Variants in CLASP2 observed in about 807,000 individuals in gnomAD.
The protein encoded by CLASP2 is CLIP-associating protein 2.
In CLASP2, 47 loss-of-function variants were observed where a neutral mutation model predicts 194.4. That is an observed-to-expected ratio of 0.24 (90% CI 0.19 to 0.31). The LOEUF is 0.31. Among genes scored for constraint, CLASP2 ranks in the 10% least tolerant of loss-of-function variants. CLASP2 has a pLI of 1.00. For synonymous variants in CLASP2, 619 were observed against 633.5 expected (o/e 0.98, Z 0.34); for missense variants, 1,445 against 1,823.6 (o/e 0.79, Z 3.78).
intron 37 of CLASP2, chr3:33,502,820 A>C (rs531275235): frequency 9.8e-5 from 15 of 152,350 alleles, no homozygotes; most frequent in African/African-American, 2.6e-4. Flanking sequence ...ATTATTCCTA[A>C]GTCATGCAAT....
intron 34 of CLASP2, among the ~76,000 whole-genome samples, chr3:33,517,819 C>T (rs1277261266): frequency 6.6e-6 from 1 of 152,132 alleles, no homozygotes; most frequent in African/African-American, 2.4e-5. Context: ...TGTACCTACA[C>T]ACCCAGCTAA....
chr3:33,620,082 G>A (rs2076864502), intron 11 of CLASP2, among the ~76,000 whole-genome samples: 1 of 152,192 alleles, frequency 6.6e-6, no homozygotes, highest in African/African-American at 2.4e-5. Context: ...CTTGATCCAT[G>A]AGTTATTTCC....
chr3:33,560,768 T>C (rs928771734), intron 28 of CLASP2, 40 bp downstream of exon 28: 2 of 1,569,654 alleles, frequency 1.3e-6, no homozygotes, highest in East Asian at 4.5e-5. Flanking sequence ...TATTCCTAGT[T>C]ATTATCAGGT....
intron 32 of CLASP2, among the ~76,000 whole-genome samples, chr3:33,539,153 T>C (rs1051412036): frequency 6.6e-5 from 10 of 152,184 alleles, no homozygotes; most frequent in Non-Finnish European, 1.5e-4. Flanking sequence ...TACTCTAGAA[T>C]GCACAGACCT....
intron 16 of CLASP2, among the ~76,000 whole-genome samples, chr3:33,605,629 G>A (rs2073638036): frequency 6.6e-6 from 1 of 152,000 alleles, no homozygotes; most frequent in African/African-American, 2.4e-5. Flanking sequence ...TTACAGAGAA[G>A]TTTTTTGGAA....
chr3:33,610,590 G>T (rs998049919), intron 13 of CLASP2, among the ~76,000 whole-genome samples: 2 of 139,586 alleles, frequency 1.4e-5, no homozygotes, highest in Non-Finnish European at 3.1e-5. Flanking sequence ...ATGTAAGACG[G>T]GTTGGTTAAA....
Position 33,656,465 on chromosome 3 carries a change from T to C in CLASP2, c.715+6980A>G, listed in dbSNP as rs74320284. Among the ~76,000 whole-genome samples, 581 of 152,264 alleles carry C rather than the reference T, an allele frequency of 3.8e-3. 29 individuals carry two copies. In the East Asian group the frequency reaches 0.098, roughly 26 times the overall value. On this transcript the variant is annotated intron_variant, in intron 7 of 38. Transcript: ENST00000682230. ...GGTGAGATATTTTTCAACCATCTGA[T>C]AGACAAATTTTAATAATAACCAGAA...
At chr3:33,700,750 C>A (rs565241467) in intron 1 of CLASP2, among the ~76,000 whole-genome samples, 1 of 151,472 alleles carries the variant, frequency 6.6e-6, no homozygotes, top group African/African-American at 2.4e-5. Flanking sequence ...CTCGGGAGGC[C>A]GAGGCAGGAG....
rs142386419 is a variant in CLASP2, at chr3:33,534,326, T to C, written c.3787+907A>G. 1.1e-3 allele frequency among the ~76,000 whole-genome samples: 170 copies of C among 152,030 alleles called. 1 individual carries two copies. The highest frequency in any genetic ancestry group is 4.0e-3 in the African/African-American group (167 of 41,466). On this transcript the variant is annotated intron_variant, in intron 34 of 38. Coordinates refer to ENST00000682230, the MANE Select transcript of CLASP2 (RefSeq NM_001365631.1). ...CCTACAATCCCAGCACTTTGAGAGG[T>C]TGAGGTGGGAGGATCACTTATGGCC...
intron 6 of CLASP2, 146 bp from the exon 7 acceptor site, chr3:33,663,661 C>T: frequency 1.7e-6 from 1 of 601,764 alleles, no homozygotes; most frequent in South Asian, 2.3e-5. Flanking sequence ...AATTAACGCA[C>T]TGAAAGAAGA....
intron 6 of CLASP2, among the ~76,000 whole-genome samples, chr3:33,670,933 A>G (rs975657192): frequency 2.6e-5 from 4 of 152,182 alleles, no homozygotes; most frequent in African/African-American, 9.7e-5. Context: ...TCTCCTTAAC[A>G]ATGTCTGACC....
chr3:33,563,820 C>T (rs2062187650), intron 27 of CLASP2: 1 of 448,056 alleles, frequency 2.2e-6, no homozygotes, highest in Non-Finnish European at 4.5e-6. Flanking sequence ...AAGATAATGT[C>T]TAAAATACCT....
chr3:33,619,797 A>G (rs1321919561), intron 11 of CLASP2, 59 bp from the exon 12 acceptor site: 2 of 1,321,674 alleles, frequency 1.5e-6, no homozygotes. Context: ...AGATAGAACC[A>G]TATAATTTTA....
At chr3:33,504,289 G>A (rs543549166) in intron 37 of CLASP2, 4 of 152,190 alleles carry the variant, frequency 2.6e-5, no homozygotes, top group Admixed American at 6.5e-5. Flanking sequence ...AAGATTTATC[G>A]CTATGTTTTC....
intron 23 of CLASP2, 54 bp from the exon 24 acceptor site, chr3:33,576,329 G>T: frequency 7.0e-7 from 1 of 1,423,380 alleles, no homozygotes; most frequent in Non-Finnish European, 9.8e-7. Flanking sequence ...ATATAACAGT[G>T]TCAGGTTGGG....
intron 7 of CLASP2, among the ~76,000 whole-genome samples, chr3:33,648,850 T>C (rs538681938): frequency 6.6e-6 from 1 of 152,310 alleles, no homozygotes; most frequent in Non-Finnish European, 1.5e-5. Flanking sequence ...CCCCATTACC[T>C]AGAACAGTCT....
Position 33,539,532 on chromosome 3 carries a change from A to C in CLASP2, c.3405-590T>G, listed in dbSNP as rs112599068. Among the ~76,000 whole-genome samples, 11 of 152,180 alleles carry C rather than the reference A, an allele frequency of 7.2e-5. 1 individual carries two copies. The highest frequency in any genetic ancestry group is 2.2e-4 in the African/African-American group (9 of 41,518). On this transcript the variant is annotated intron_variant, in intron 32 of 38. Transcript: ENST00000682230. Reference sequence around the variant, plus strand: ...GTATTTTTAGTAAAGATGGGGTTTCACCATGTTGTGCAGGCTGGTCTCGAA... The same window carrying C: ...GTATTTTTAGTAAAGATGGGGTTTCCCCATGTTGTGCAGGCTGGTCTCGAA...
chr3:33,568,558 A>AAAAAAAAAAAAAAAAAAAAAAAAAAAAC (rs2063184930), intron 26 of CLASP2, among the ~76,000 whole-genome samples: 1 of 148,428 alleles, frequency 6.7e-6, no homozygotes, highest in African/African-American at 2.5e-5. Context: ...TGTCTCAAAA[A>AAAAAAAAAAAAAAAAAAAAAAAAAAAAC]AAAAAAAAAA....
chr3:33,540,965 G>A (rs1173720788), intron 32 of CLASP2, among the ~76,000 whole-genome samples: 1 of 152,020 alleles, frequency 6.6e-6, no homozygotes, highest in Non-Finnish European at 1.5e-5. Flanking sequence ...TAGAGATGGG[G>A]TTTTGCCATG....
Sources: allele counts gnomAD v4.1 joint callset (sites outside exome capture counted in the v4.1 genomes callset), GRCh38; gene constraint gnomAD v4.1.1; transcripts MANE v1.5; gene names NCBI Gene and HGNC (gene_info 2026-07-23, HGNC 2026-07-21).